Variants in CEP68 observed in about 807,000 individuals in gnomAD.
CEP68 encodes the protein centrosomal protein of 68 kDa.
Under a neutral mutation model 55.3 loss-of-function variants are expected in CEP68, and 26 were observed. The ratio of observed to expected loss-of-function variants is 0.47; its 90% CI spans 0.34 to 0.65. CEP68 has a LOEUF of 0.65. Ranked by LOEUF, CEP68 falls within the 30% of genes least tolerant of loss-of-function variation. The probability of loss-of-function intolerance (pLI) is 0.01; values close to 1 mark genes in which losing one functional copy is unlikely to be tolerated. For synonymous variants in CEP68, 402 were observed against 383.2 expected (o/e 1.05, Z -0.57); for missense variants, 957 against 946.7 (o/e 1.01, Z -0.14).
chr2:65,075,317 C>CA (rs1244773133), intron 4 of CEP68: 4 of 151,382 alleles, frequency 2.6e-5, no homozygotes, highest in Admixed American at 6.6e-5. Context: ...GCAGGAGGAT[C>CA]ACTGGAACCC....
At chr2:65,068,960 A>G (rs1000876991) in intron 1 of CEP68, among the ~76,000 whole-genome samples, 3 of 152,228 alleles carry the variant, frequency 2.0e-5, no homozygotes, top group Non-Finnish European at 4.4e-5. Flanking sequence ...TCTCTAGGAT[A>G]GAACAGTCAG....
chr2:65,062,530 C>A (rs1210721762), intron 1 of CEP68, among the ~76,000 whole-genome samples: 2 of 60,682 alleles, frequency 3.3e-5, no homozygotes, highest in Admixed American at 1.7e-4. Context: ...GAGACTCCAT[C>A]TCAAAAAAAA....
chr2:65,079,466 A>G (rs1014661515), intron 5 of CEP68, among the ~76,000 whole-genome samples: 1 of 152,238 alleles, frequency 6.6e-6, no homozygotes, highest in Non-Finnish European at 1.5e-5. Flanking sequence ...ACCACTGAAT[A>G]GTTTTCAGCA....
intron 1 of CEP68, among the ~76,000 whole-genome samples, chr2:65,060,634 C>G (rs1675867767): frequency 6.6e-6 from 1 of 152,134 alleles, no homozygotes; most frequent in Non-Finnish European, 1.5e-5. Flanking sequence ...GGAAATGCAC[C>G]CATGTGGTCC....
intron 5 of CEP68, chr2:65,080,348 G>A (rs368905174): frequency 7.1e-6 from 7 of 985,060 alleles, no homozygotes; most frequent in East Asian, 1.1e-4. Flanking sequence ...TCAGGAATGT[G>A]GCTGTTTCCC....
In CEP68 at chr2:65,086,444, A is replaced by G. The variant is rs1241134025; in HGVS notation, c.*2810A>G. 6.6e-6 allele frequency: 1 copy of G among 152,220 alleles called. No individual in the cohort carries two copies. 9.4% of individuals were successfully genotyped at this position (152,220 alleles called of 1,614,324 possible). A position where few individuals can be genotyped will look rare whatever the true frequency, so the allele number is the denominator to read the frequency against. On this transcript the variant is annotated 3_prime_UTR_variant, in exon 7 of 7. Coordinates refer to ENST00000377990, the MANE Select transcript of CEP68 (RefSeq NM_015147.3). ...TTTCCAGAACCACATTTATTGGCGT[A>G]TACATAGAAGCAAATCTTAAGGCAT...
intron 3 of CEP68, 181 bp downstream of exon 3, chr2:65,073,161 T>A: frequency 1.3e-6 from 1 of 766,472 alleles, no homozygotes; most frequent in Non-Finnish European, 2.3e-6. Flanking sequence ...GTTCTCATTT[T>A]ACTTTTTGGA....
In CEP68 at chr2:65,071,849, G is replaced by T; in HGVS notation, c.753G>T (p.Gln251His). 1 of 1,606,016 alleles carries T rather than the reference G, an allele frequency of 6.2e-7. No individual in the cohort carries two copies. The change falls in exon 3 of 7, where the codon CAG becomes CAT. Residue 251 changes from glutamine (Q) to histidine (H), a missense_variant. Gln to His is a conservative substitution (Grantham distance 24, BLOSUM62 0). Transcript: ENST00000377990. ...GACCTCGGCCCCAGTGGTCACCACA[G>T]CCTGTGTTCTCTGGGGGTGATGCTT... Reference protein sequence around the residue: ...GLGPRPQWSPQPVFSGGDASG... With the variant: ...GLGPRPQWSPHPVFSGGDASG...
chr2:65,063,179 C>G (rs747715645), intron 1 of CEP68, among the ~76,000 whole-genome samples: 1 of 152,254 alleles, frequency 6.6e-6, no homozygotes, highest in Non-Finnish European at 1.5e-5. Context: ...GTGGATCATA[C>G]AGCCTCTTCA....
Position 65,069,652 on chromosome 2 carries a change from A to G in CEP68, c.208A>G (p.Thr70Ala). 1 of 1,613,908 alleles carries G rather than the reference A, an allele frequency of 6.2e-7. No individual in the cohort carries two copies. Among genetic ancestry groups the G allele is most frequent in the East Asian group, 2.2e-5 (1 of 44,888 alleles). Residue 70 changes from threonine to alanine, a missense_variant, in exon 2 of 7, where the codon ACT (threonine) becomes GCT (alanine). Physicochemically the swap from Thr to Ala is moderately conservative, Grantham distance 58. Coordinates refer to ENST00000377990, the MANE Select transcript of CEP68 (RefSeq NM_015147.3). ...GIPAPTCWIG[T>A]DPGGPSRAHQ... ...ACCTGCCCCTACTTGCTGGATTGGG[A>G]CTGACCCTGGCGGCCCCTCTAGAGC...
intron 6 of CEP68, among the ~76,000 whole-genome samples, chr2:65,083,137 C>T (rs1444117923): frequency 6.6e-6 from 1 of 152,190 alleles, no homozygotes; most frequent in Non-Finnish European, 1.5e-5. Flanking sequence ...GCATCTCTGA[C>T]AGCACCAAGT....
At chr2:65,073,313 TGAACAAAAAAG>T (rs1676593088) in intron 3 of CEP68, 1 of 377,602 alleles carries the variant, frequency 2.6e-6, no homozygotes, top group East Asian at 6.5e-5. Context: ...AGAGGTATTC[TGAACAAAAAAG>T]GTTTTGTGCA....
chr2:65,080,963 C>T (rs1351851908), intron 5 of CEP68, among the ~76,000 whole-genome samples: 1 of 151,982 alleles, frequency 6.6e-6, no homozygotes, highest in East Asian at 1.9e-4. Flanking sequence ...GTAATCCCAG[C>T]ACTTTGGGAG....
In CEP68 at chr2:65,072,035, T is replaced by G. The variant is rs1279561223; in HGVS notation, c.939T>G (p.Pro313=). 6.2e-7 allele frequency: 1 copy of G among 1,613,570 alleles called. No homozygotes were observed. Among genetic ancestry groups the G allele is most frequent in the Admixed American group, 1.7e-5 (1 of 60,002 alleles). The change falls in exon 3 of 7, where the codon CCT becomes CCG. Residue 313 remains proline (P), a synonymous_variant. Transcript: ENST00000377990. ...LDYTYPLRPG[P]QLPKHLDSRV... Reference sequence around the variant, plus strand: ...ATACTTACCCACTGAGGCCCGGGCCTCAGCTCCCAAAGCACCTTGATAGCC... The same window carrying G: ...ATACTTACCCACTGAGGCCCGGGCCGCAGCTCCCAAAGCACCTTGATAGCC...
At chr2:65,067,340 G>A (rs570408429) in intron 1 of CEP68, among the ~76,000 whole-genome samples, 79 of 152,148 alleles carry the variant, frequency 5.2e-4, no homozygotes, top group African/African-American at 1.8e-3. Context: ...AGATCACACC[G>A]CTGAACTCTA....
rs976523774 is a variant in CEP68, at chr2:65,074,417, C to A, written c.2007+13C>A. 1.9e-6 allele frequency: 3 copies of A among 1,613,904 alleles called. No homozygotes were observed. Among genetic ancestry groups the A allele is most frequent in the African/African-American group, 2.7e-5 (2 of 74,922 alleles). On this transcript the variant is annotated intron_variant, in intron 4 of 6. Transcript: ENST00000377990. ...GCAGCTTTACCGGGTAATATGCGGT[C>A]CTGGCTCTGGCTTGTTCCCTCACAA...
At chr2:65,073,199 G>T (rs141786121) in intron 3 of CEP68, 1 of 622,362 alleles carries the variant, frequency 1.6e-6, no homozygotes. Context: ...GTTAGGTAAC[G>T]TGCCCACTTA....
At chr2:65,061,577 G>A (rs1468926453) in intron 1 of CEP68, among the ~76,000 whole-genome samples, 3 of 152,244 alleles carry the variant, frequency 2.0e-5, no homozygotes, top group Non-Finnish European at 4.4e-5. Flanking sequence ...TACCTGCAGA[G>A]AAGGGGGACA....
Position 65,069,423 on chromosome 2 carries a change from C to T in CEP68, c.-22C>T, listed in dbSNP as rs970451714. On this transcript the variant is annotated 5_prime_UTR_variant, in exon 2 of 7. Transcript: ENST00000377990. ...GGAAGCTGAAGTCTTCAGCAGAACC[C>T]TGACCTAGGTAGGGAGTCTCAATGG... The T allele has an allele frequency of 6.7e-7, 1 of 1,489,920 alleles. No homozygotes were observed. The highest frequency in any genetic ancestry group is 9.0e-7 in the Non-Finnish European group (1 of 1,115,630). 92.3% of individuals were successfully genotyped at this position (1,489,920 alleles called of 1,614,324 possible).
Sources: allele counts gnomAD v4.1 joint callset (sites outside exome capture counted in the v4.1 genomes callset), GRCh38; gene constraint gnomAD v4.1.1; transcripts MANE v1.5; gene names NCBI Gene and HGNC (gene_info 2026-07-23, HGNC 2026-07-21).